SP6: variants seen among roughly 807,000 people sequenced by gnomAD.
SP6 encodes transcription factor Sp6.
A neutral mutation model predicts 23.4 loss-of-function variants in SP6; 10 were observed. The observed-to-expected ratio is 0.43, with a 90% confidence interval of 0.26 to 0.72. The LOEUF is 0.72. Ranked by LOEUF, SP6 falls within the 30% of genes least tolerant of loss-of-function variation. The probability of loss-of-function intolerance (pLI) is 0.23; values close to 1 mark genes in which losing one functional copy is unlikely to be tolerated. For synonymous variants in SP6, 238 were observed against 238.7 expected, an observed-to-expected ratio of 1.00 and a Z score of 0.03; for missense variants, 482 against 523.8, an observed-to-expected ratio of 0.92 and a Z score of 0.78.
At position 47,847,821 on chromosome 17, in the gene SP6, A is replaced by C; in HGVS notation, c.609T>G (p.Asp203Glu). The C allele has an allele frequency of 6.5e-7, 1 of 1,529,132 alleles. No individual in the cohort carries two copies. Among genetic ancestry groups the C allele is most frequent in the Non-Finnish European group, 8.8e-7 (1 of 1,142,154 alleles). 94.7% of individuals were successfully genotyped at this position (1,529,132 alleles called of 1,614,324 possible). ...GACGCGCCGCCCCGTCCAGGCTGGA[A>C]TCCAGCCCTTGAGACTCCGGGGCGG... ...EVAAPESQGL[D>E]SSLDGAARPK... The change falls in exon 2 of 2, where the codon GAT (aspartate) becomes GAG (glutamate). Residue 203 changes from aspartate (D) to glutamate (E), a missense_variant. By Grantham distance (45) the Asp-to-Glu change is conservative. Transcript: ENST00000536300.
At chr17:47,849,551 A>G (rs2143652465) in intron 1 of SP6, among the ~76,000 whole-genome samples, 1 of 152,324 alleles carries the variant, frequency 6.6e-6, no homozygotes, top group Non-Finnish European at 1.5e-5. Flanking sequence ...TATATGCAGC[A>G]AATGTTGAGA....
chr17:47,866,730 C>A, the SP6 span, among the ~76,000 whole-genome samples: 36 of 152,268 alleles, frequency 2.4e-4, no homozygotes, highest in East Asian at 3.7e-3. Context: ...ACCCGCTGAT[C>A]GGCACTCTGG....
chr17:47,865,984 T>C, the SP6 span, among the ~76,000 whole-genome samples: 1 of 152,146 alleles, frequency 6.6e-6, no homozygotes, highest in Non-Finnish European at 1.5e-5. Context: ...TCTACACTGA[T>C]CACCAGGCCA....
chr17:47,872,004 C>T, the SP6 span, among the ~76,000 whole-genome samples: 1 of 152,182 alleles, frequency 6.6e-6, no homozygotes, highest in Non-Finnish European at 1.5e-5. Flanking sequence ...GGGTTTGTCT[C>T]AGGCCCAATC....
At chr17:47,849,416 G>A (rs1053009041) in intron 1 of SP6, among the ~76,000 whole-genome samples, 9 of 152,164 alleles carry the variant, frequency 5.9e-5, no homozygotes. Flanking sequence ...AGGAAGAGGA[G>A]GGCAACAAGA....
upstream of SP6, among the ~76,000 whole-genome samples, chr17:47,857,975 T>C (rs1475927694): frequency 1.3e-5 from 2 of 149,348 alleles, no homozygotes; most frequent in African/African-American, 5.0e-5. Flanking sequence ...AGCCCTCGGA[T>C]CTCAGGTTTG....
At chr17:47,871,562 T>A in the SP6 span, among the ~76,000 whole-genome samples, 2 of 152,186 alleles carry the variant, frequency 1.3e-5, no homozygotes, top group Non-Finnish European at 2.9e-5. Flanking sequence ...CCTCCAACTC[T>A]CTGCATAGCA....
the SP6 span, chr17:47,864,509 T>A: frequency 1.3e-5 from 2 of 151,860 alleles, no homozygotes; most frequent in African/African-American, 2.4e-5. Context: ...CTTCAAGTGA[T>A]CCTCCCATAT....
the SP6 span, among the ~76,000 whole-genome samples, chr17:47,865,550 G>A: frequency 6.6e-6 from 1 of 152,186 alleles, no homozygotes; most frequent in African/African-American, 2.4e-5. Flanking sequence ...GTTGAGGGGT[G>A]AGGACAGGAA....
upstream of SP6, among the ~76,000 whole-genome samples, chr17:47,851,482 G>A (rs893861952): frequency 6.6e-6 from 1 of 152,160 alleles, no homozygotes; most frequent in African/African-American, 2.4e-5. Flanking sequence ...TAAGACCCAG[G>A]GGGAATGGAT....
upstream of SP6, among the ~76,000 whole-genome samples, chr17:47,855,090 C>T (rs576470705): frequency 1.5e-4 from 23 of 152,330 alleles, no homozygotes; most frequent in African/African-American, 5.1e-4. Context: ...AAGCACAATG[C>T]TGGACACTAA....
At chr17:47,851,534 C>A (rs987309019), upstream of SP6, among the ~76,000 whole-genome samples, 6 of 152,184 alleles carry the variant, frequency 3.9e-5, no homozygotes, top group Non-Finnish European at 5.9e-5. Context: ...CACCCTTAGG[C>A]AGCAACCCTT....
upstream of SP6, among the ~76,000 whole-genome samples, chr17:47,859,231 C>T (rs1286950534): frequency 6.6e-6 from 1 of 152,170 alleles, no homozygotes; most frequent in East Asian, 1.9e-4. Context: ...CCAGCTCAGC[C>T]CAATGGATTT....
At chr17:47,856,558 T>C (rs1290333492), upstream of SP6, among the ~76,000 whole-genome samples, 1 of 152,142 alleles carries the variant, frequency 6.6e-6, no homozygotes, top group Non-Finnish European at 1.5e-5. Flanking sequence ...TCTCTATTTA[T>C]ATGAGCCTAA....
At chr17:47,867,422 G>T in the SP6 span, among the ~76,000 whole-genome samples, 24 of 152,194 alleles carry the variant, frequency 1.6e-4, no homozygotes, top group Non-Finnish European at 1.9e-4. Context: ...CAGTGGGAGG[G>T]CAGGGCCCTG....
upstream of SP6, among the ~76,000 whole-genome samples, chr17:47,853,917 T>TTGGTTTCCCACTTGCTAAA (rs531033640): frequency 3.9e-4 from 60 of 152,314 alleles, no homozygotes; most frequent in African/African-American, 1.4e-3. Context: ...TCCAGCCCTT[T>TTGGTTTCCCACTTGCTAAA]TGGTTTCCCA....
At chr17:47,873,916 CCTT>C in the SP6 span, among the ~76,000 whole-genome samples, 124 of 147,282 alleles carry the variant, frequency 8.4e-4, no homozygotes, top group African/African-American at 2.0e-3. Flanking sequence ...TCCTACTCTT[CCTT>C]CTTCTTCTTC....
chr17:47,856,415 A>C (rs1226982138), upstream of SP6, among the ~76,000 whole-genome samples: 1 of 152,192 alleles, frequency 6.6e-6, no homozygotes, highest in Non-Finnish European at 1.5e-5. Context: ...CAGAAAGACC[A>C]GAGGCAGAGT....
In SP6 at chr17:47,848,590, C is replaced by CACAGCACAG; in HGVS notation, c.-57-105_-57-104insCTGTGCTGT. The CACAGCACAG allele has an allele frequency of 3.1e-6, 2 of 645,320 alleles. No individual in the cohort carries two copies. The highest frequency in any genetic ancestry group is 5.3e-6 in the Non-Finnish European group (2 of 378,740). The allele number at this position is 645,320 out of a possible 1,614,324, so 40.0% of individuals were successfully genotyped here. On this transcript the variant is annotated intron_variant, in intron 1 of 1. Transcript: ENST00000536300. The surrounding 1 kb of genome is among the most constrained non-coding windows in gnomAD (Gnocchi z 5.3). ...CCCCAGGTGTAAAAGAAGGATGCAC[C>CACAGCACAG]TCTGAACGAGGACTAGAGATGAGTT...
Sources: gnomAD v4.1 joint callset for allele counts (sites outside exome capture counted in the v4.1 genomes callset) on GRCh38, gnomAD v4.1.1 for gene constraint, Gnocchi (gnomAD v3.1) non-coding constraint, MANE v1.5 for transcripts, NCBI Gene and HGNC (gene_info 2026-07-23, HGNC 2026-07-21) for gene names.